HNRNPDL: variants seen among roughly 807,000 people sequenced by gnomAD.
HNRNPDL encodes heterogeneous nuclear ribonucleoprotein D-like.
A neutral mutation model predicts 48.0 loss-of-function variants in HNRNPDL; 18 were observed. The ratio of observed to expected loss-of-function variants is 0.38; its 90% CI spans 0.26 to 0.56. The LOEUF is 0.56. Among genes scored for constraint, HNRNPDL ranks in the 20% least tolerant of loss-of-function variants. The pLI is 0.77. For missense variants in HNRNPDL, 553 were observed against 540.7 expected (o/e 1.02, Z -0.23); for synonymous variants, 306 against 207.3 (o/e 1.48, Z -4.09).
rs1251238294 is a variant in HNRNPDL, at chr4:82,423,970, CCAAA to C, written c.*932_*935del. 3 of 152,292 alleles carry C rather than the reference CCAAA, an allele frequency of 2.0e-5. No individual in the cohort carries two copies. Among genetic ancestry groups the C allele is most frequent in the African/African-American group, 4.8e-5 (2 of 41,546 alleles). 9.4% of individuals were successfully genotyped at this position (152,292 alleles called of 1,614,324 possible). On this transcript the variant is annotated 3_prime_UTR_variant, in exon 8 of 8. Transcript: ENST00000295470. ...AGCTAATACAACTTCCTCAGGATGC[CCAAA>C]CAGAAAACATTTTGTTCAATCTTGT...
In HNRNPDL at chr4:82,429,576, C is replaced by T. The variant is rs10024950; in HGVS notation, c.115G>A (p.Ala39Thr). Residue 39 changes from alanine to threonine, a missense_variant, in exon 1 of 8, where the codon GCC (alanine) becomes ACC (threonine). Ala to Thr is a moderately conservative substitution (Grantham distance 58, BLOSUM62 0). This residue lies in a region of HNRNPDL where 327 missense variants were observed against 203.2 expected (regional missense o/e 1.61). Coordinates refer to ENST00000295470, the MANE Select transcript of HNRNPDL (RefSeq NM_031372.4). Reference protein sequence around the residue: ...HWRPRPPRQLAPLLPSLAPSS... With the variant: ...HWRPRPPRQLTPLLPSLAPSS... ...GGAGCGAGCGAAGGGAGGAGCGGGGCTAGCTGCCGCGGCGGCCGCGGCCGC... is the reference window on the plus strand; with the variant it reads ...GGAGCGAGCGAAGGGAGGAGCGGGGTTAGCTGCCGCGGCGGCCGCGGCCGC... The T allele has an allele frequency of 6.5e-6, 9 of 1,390,648 alleles. No homozygotes were observed. The highest frequency in any genetic ancestry group is 8.4e-6 in the Non-Finnish European group (9 of 1,076,558). The allele number at this position is 1,390,648 out of a possible 1,614,324, so 86.1% of individuals were successfully genotyped here. A position where few individuals can be genotyped will look rare whatever the true frequency, so the allele number is the denominator to read the frequency against.
chr4:82,429,356 G>T lies in HNRNPDL; in HGVS notation c.335C>A (p.Pro112His). 1 of 1,613,668 alleles carries T rather than the reference G, an allele frequency of 6.2e-7. No homozygotes were observed. ...AAATRTARQH[P>H]PADSSVTMED... Reference sequence around the variant, plus strand: ...CATAGTGACGGAGCTGTCGGCAGGGGGGTGCTGGCGCGCAGTCCGGGTCGC... The same window carrying T: ...CATAGTGACGGAGCTGTCGGCAGGGTGGTGCTGGCGCGCAGTCCGGGTCGC... The change falls in exon 1 of 8, where the codon CCC becomes CAC. Residue 112 changes from proline to histidine, a missense_variant. By Grantham distance (77) the Pro-to-His change is moderately conservative. This residue lies in a region of HNRNPDL where 327 missense variants were observed against 203.2 expected (regional missense o/e 1.61). Transcript: ENST00000295470.
Position 82,423,437 on chromosome 4 carries a change from G to A in HNRNPDL, c.*1469C>T, listed in dbSNP as rs944859515. ...GGTACTTGGCCTAAGTTTAAGAATA[G>A]CAAAACAGCAGCAAAAAAGAGGCCA... On this transcript the variant is annotated 3_prime_UTR_variant, in exon 8 of 8. Coordinates refer to ENST00000295470, the MANE Select transcript of HNRNPDL (RefSeq NM_031372.4). 6.6e-6 allele frequency: 1 copy of A among 151,868 alleles called. No homozygotes were observed. The highest frequency in any genetic ancestry group is 1.5e-5 in the Non-Finnish European group (1 of 67,998). The allele number at this position is 151,868 out of a possible 1,614,324, so 9.4% of individuals were successfully genotyped here. A position where few individuals can be genotyped will look rare whatever the true frequency, so the allele number is the denominator to read the frequency against.
rs1013750152 is a variant in HNRNPDL, at chr4:82,424,177, ATT to A, written c.*727_*728del. The A allele has an allele frequency of 6.6e-6, 1 of 152,214 alleles. No individual in the cohort carries two copies. The highest frequency in any genetic ancestry group is 2.4e-5 in the African/African-American group (1 of 41,456). 9.4% of individuals were successfully genotyped at this position (152,214 alleles called of 1,614,324 possible). A position where few individuals can be genotyped will look rare whatever the true frequency, so the allele number is the denominator to read the frequency against. On this transcript the variant is annotated 3_prime_UTR_variant, in exon 8 of 8. Coordinates refer to ENST00000295470, the MANE Select transcript of HNRNPDL (RefSeq NM_031372.4). Reference sequence around the variant, plus strand: ...TCTGAACTTTTATCAAGAATTACTCATTGTGTTATGATTACAAAGCTTTTTCT... The same window carrying A: ...TCTGAACTTTTATCAAGAATTACTCAGTGTTATGATTACAAAGCTTTTTCT...
chr4:82,429,139 G>A (rs1721563175), intron 1 of HNRNPDL, 109 bp downstream of exon 1: 1 of 1,009,702 alleles, frequency 9.9e-7, no homozygotes. Flanking sequence ...CAGAAGGCAC[G>A]CGGGGAATCG....
chr4:82,426,366 T>TA, intron 6 of HNRNPDL, 97 bp downstream of exon 6: 1 of 1,138,694 alleles, frequency 8.8e-7, no homozygotes, highest in Non-Finnish European at 1.3e-6. Flanking sequence ...CCGAACACTT[T>TA]AATGGAAAGC....
Position 82,429,445 on chromosome 4 carries a change from G to GC in HNRNPDL, c.245dup (p.Asp84GlyfsTer8). The GC allele has an allele frequency of 4.4e-6, 7 of 1,608,490 alleles. No homozygotes were observed. Among genetic ancestry groups the GC allele is most frequent in the Non-Finnish European group, 5.9e-6 (7 of 1,177,574 alleles). ...TAAAATGGCGGCGGAAGAGATCCGGGCGCCGCCTGCGCCCTCCCTTTATAG... is the reference window on the plus strand; with the variant it reads ...TAAAATGGCGGCGGAAGAGATCCGGGCCGCCGCCTGCGCCCTCCCTTTATAG... On this transcript the variant is annotated frameshift_variant, in exon 1 of 8. Coordinates refer to ENST00000295470, the MANE Select transcript of HNRNPDL (RefSeq NM_031372.4). LOFTEE classifies it high-confidence loss of function.
At position 82,423,989 on chromosome 4, in the gene HNRNPDL, T is replaced by C. The variant is rs536468839; in HGVS notation, c.*917A>G. The stretch of plus-strand genomic sequence containing the variant: ...GGATGCCCAAACAGAAAACATTTTG[T>C]TCAATCTTGTGGCGGCTCTGAGAAA... On this transcript the variant is annotated 3_prime_UTR_variant, in exon 8 of 8. Transcript: ENST00000295470. 3 of 152,376 alleles carry C rather than the reference T, an allele frequency of 2.0e-5. No homozygotes were observed. In the South Asian group the frequency reaches 6.2e-4, roughly 32 times the overall value. The allele number at this position is 152,376 out of a possible 1,614,324, so 9.4% of individuals were successfully genotyped here.
At chr4:82,428,779 C>T (rs1363953378) in intron 1 of HNRNPDL, among the ~76,000 whole-genome samples, 3 of 152,242 alleles carry the variant, frequency 2.0e-5, no homozygotes, top group Non-Finnish European at 4.4e-5. Context: ...CATCTTCGTT[C>T]TCAGCTGTCA....
chr4:82,429,590 G>A lies in HNRNPDL; in HGVS notation c.101C>T (p.Pro34Leu), dbSNP rs988355917. Residue 34 changes from proline (P) to leucine (L), a missense_variant, in exon 1 of 8, where the codon CCG becomes CTG. This residue lies in a region of HNRNPDL where 327 missense variants were observed against 203.2 expected (regional missense o/e 1.61). Transcript: ENST00000295470. Reference protein sequence around the residue: ...SRSLSHWRPRPPRQLAPLLPS... With the variant: ...SRSLSHWRPRLPRQLAPLLPS... ...GAGGAGCGGGGCTAGCTGCCGCGGC[G>A]GCCGCGGCCGCCAATGGGAGAGGCT... 33 of 1,378,182 alleles carry A rather than the reference G, an allele frequency of 2.4e-5. No individual in the cohort carries two copies. Among genetic ancestry groups the A allele is most frequent in the Non-Finnish European group, 3.1e-5 (33 of 1,070,186 alleles). 85.4% of individuals were successfully genotyped at this position (1,378,182 alleles called of 1,614,324 possible). A position where few individuals can be genotyped will look rare whatever the true frequency, so the allele number is the denominator to read the frequency against.
At chr4:82,427,904 C>G (rs187253526) in intron 3 of HNRNPDL, 114 bp downstream of exon 3, 2 of 1,013,498 alleles carry the variant, frequency 2.0e-6, no homozygotes, top group Middle Eastern at 3.1e-4. Context: ...GCGACTTGAG[C>G]AGTCATTTAA....
Position 82,428,266 on chromosome 4 carries a change from C to T in HNRNPDL, c.612+12G>A, listed in dbSNP as rs1721502688. ...ACCACAAAAGCAGCACAATGCAAAA[C>T]ATAGTTCCTACCTTATCAACACTAG... On this transcript the variant is annotated intron_variant, in intron 2 of 7. Transcript: ENST00000295470. 5.0e-6 allele frequency: 8 copies of T among 1,610,254 alleles called. No individual in the cohort carries two copies. Among genetic ancestry groups the T allele is most frequent in the Non-Finnish European group, 5.1e-6 (6 of 1,177,056 alleles).
At position 82,424,200 on chromosome 4, in the gene HNRNPDL, T is replaced by C. The variant is rs1025480547; in HGVS notation, c.*706A>G. ...TCATTGTGTTATGATTACAAAGCTT[T>C]TTCTAGGTGACCACTGATTAAAGCC... On this transcript the variant is annotated 3_prime_UTR_variant, in exon 8 of 8. Transcript: ENST00000295470. 11 of 152,250 alleles carry C rather than the reference T, an allele frequency of 7.2e-5. No homozygotes were observed. Among genetic ancestry groups the C allele is most frequent in the Admixed American group, 2.6e-4 (4 of 15,280 alleles). 9.4% of individuals were successfully genotyped at this position (152,250 alleles called of 1,614,324 possible).
intron 6 of HNRNPDL, 93 bp from the exon 7 acceptor site, chr4:82,426,222 T>C (rs1054881929): frequency 6.2e-6 from 7 of 1,131,756 alleles, no homozygotes; most frequent in Non-Finnish European, 9.4e-6. Context: ...CTTTGCATGC[T>C]AAATAAAAAG....
In HNRNPDL at chr4:82,423,785, T is replaced by C. The variant is rs1334566979; in HGVS notation, c.*1121A>G. ...GTCCACTGTAATGACTCAGTCACAT[T>C]TGTAATGACTTAGTCACATTTGTAA... is the stretch of plus-strand genomic sequence containing the variant. On this transcript the variant is annotated 3_prime_UTR_variant, in exon 8 of 8. Coordinates refer to ENST00000295470, the MANE Select transcript of HNRNPDL (RefSeq NM_031372.4). The C allele has an allele frequency of 1.4e-5, 2 of 144,414 alleles. No homozygotes were observed. Among genetic ancestry groups the C allele is most frequent in the Non-Finnish European group, 3.1e-5 (2 of 64,914 alleles). 8.9% of individuals were successfully genotyped at this position (144,414 alleles called of 1,614,324 possible). A position where few individuals can be genotyped will look rare whatever the true frequency, so the allele number is the denominator to read the frequency against.
chr4:82,428,219 C>A, intron 2 of HNRNPDL, 40 bp from the exon 3 acceptor site: 2 of 1,607,866 alleles, frequency 1.2e-6, no homozygotes, highest in Non-Finnish European at 8.5e-7. Flanking sequence ...CACCATATAA[C>A]CCCCAGAAAA....
chr4:82,423,690 A>G lies in HNRNPDL; in HGVS notation c.*1216T>C, dbSNP rs1721287716. On this transcript the variant is annotated 3_prime_UTR_variant, in exon 8 of 8. Transcript: ENST00000295470. ...TCCAACTACACTGAATGCAAAATCC[A>G]AAGCTTTTTATTATTCCAGGTCCTC... 6.6e-6 allele frequency: 1 copy of G among 152,220 alleles called. No individual in the cohort carries two copies. Among genetic ancestry groups the G allele is most frequent in the African/African-American group, 2.4e-5 (1 of 41,466 alleles). 9.4% of individuals were successfully genotyped at this position (152,220 alleles called of 1,614,324 possible). A position where few individuals can be genotyped will look rare whatever the true frequency, so the allele number is the denominator to read the frequency against.
intron 1 of HNRNPDL, 76 bp from the exon 2 acceptor site, chr4:82,428,522 A>AT: frequency 8.5e-7 from 1 of 1,182,308 alleles, no homozygotes; most frequent in African/African-American, 1.5e-5. Flanking sequence ...AAATCGTGAA[A>AT]TAAAAACAGG....
In HNRNPDL at chr4:82,429,236, A is replaced by C. The variant is rs2110030859; in HGVS notation, c.443+12T>G. 1 of 1,612,324 alleles carries C rather than the reference A, an allele frequency of 6.2e-7. No homozygotes were observed. Among genetic ancestry groups the C allele is most frequent in the Non-Finnish European group, 8.5e-7 (1 of 1,179,220 alleles). On this transcript the variant is annotated intron_variant, in intron 1 of 7. Transcript: ENST00000295470. ...CTGGGGGAGGGGGAGCGGGGGAAGA[A>C]GCGTGCGGTACCCGTCATCCTGCTG...
Sources: allele counts gnomAD v4.1 joint callset (sites outside exome capture counted in the v4.1 genomes callset), GRCh38; gene constraint gnomAD v4.1.1; regional missense constraint gnomAD v4.1.1; transcripts MANE v1.5; gene names NCBI Gene and HGNC (gene_info 2026-07-23, HGNC 2026-07-21).